GALNT13: variants seen among roughly 807,000 people sequenced by gnomAD.
GALNT13 encodes polypeptide N-acetylgalactosaminyltransferase 13.
GALNT13 carries 28 observed loss-of-function variants against 64.2 expected under a neutral mutation model. The ratio of observed to expected loss-of-function variants is 0.44; its 90% CI spans 0.32 to 0.60. The LOEUF (loss-of-function observed/expected upper bound fraction) is 0.60. Ranked by LOEUF, GALNT13 falls within the 20% of genes least tolerant of loss-of-function variation. GALNT13 has a pLI of 0.05. For missense variants in GALNT13, 577 were observed against 669.8 expected, an observed-to-expected ratio of 0.86 and a Z score of 1.53; for synonymous variants, 214 against 224.6, an observed-to-expected ratio of 0.95 and a Z score of 0.42.
intron 3 of GALNT13, among the ~76,000 whole-genome samples, chr2:154,020,415 C>T (rs1697364752): frequency 6.6e-6 from 1 of 152,126 alleles, no homozygotes; most frequent in South Asian, 2.1e-4. Context: ...GATGGTATCT[C>T]ATTGTGGTTT....
chr2:154,107,899 G>A (rs1558961487), intron 3 of GALNT13, among the ~76,000 whole-genome samples: 2 of 151,910 alleles, frequency 1.3e-5, no homozygotes, highest in African/African-American at 4.8e-5. Flanking sequence ...TTAGCATAAT[G>A]TTCTCCAATT....
chr2:154,041,302 A>G lies in GALNT13; in HGVS notation c.142+96663A>G, dbSNP rs755152524. ...CTATATTATTTTGCTTGTATTCCAC[A>G]ATAACTGTGTTATTACTTCCAATCT... On this transcript the variant is annotated intron_variant, in intron 3 of 12. Coordinates refer to ENST00000392825, the MANE Select transcript of GALNT13 (RefSeq NM_052917.4). 2.1e-4 allele frequency among the ~76,000 whole-genome samples: 29 copies of G among 140,812 alleles called. 6 individuals are homozygous for G. The highest frequency in any genetic ancestry group is 1.5e-4 in the Non-Finnish European group (9 of 61,310). The allele number at this position is 140,812 out of a possible 152,430, so 92.4% of individuals were successfully genotyped here. A position where few individuals can be genotyped will look rare whatever the true frequency, so the allele number is the denominator to read the frequency against.
the GALNT13 span, among the ~76,000 whole-genome samples, chr2:153,614,717 T>G: frequency 2.6e-5 from 4 of 152,208 alleles, no homozygotes; most frequent in Admixed American, 2.0e-4. Flanking sequence ...ACACACTGAT[T>G]TTGGTTTTAT....
the GALNT13 span, among the ~76,000 whole-genome samples, chr2:153,616,635 A>T: frequency 1.3e-5 from 2 of 151,458 alleles, no homozygotes; most frequent in African/African-American, 4.8e-5. Context: ...TATTGTAGAG[A>T]TCTTTTTCTT....
chr2:154,308,100 T>C (rs935235242), intron 9 of GALNT13, among the ~76,000 whole-genome samples: 1 of 152,116 alleles, frequency 6.6e-6, no homozygotes, highest in Non-Finnish European at 1.5e-5. Context: ...AGAAACATAT[T>C]AAAATTAAAT....
intron 2 of GALNT13, among the ~76,000 whole-genome samples, chr2:153,944,156 T>A (rs913608562): frequency 6.6e-6 from 1 of 152,090 alleles, no homozygotes; most frequent in Admixed American, 6.6e-5. Flanking sequence ...CTTAAAGGAA[T>A]CAAGTAGTTT....
the GALNT13 span, among the ~76,000 whole-genome samples, chr2:153,119,019 A>T: frequency 1.3e-5 from 2 of 151,886 alleles, no homozygotes; most frequent in African/African-American, 4.8e-5. Context: ...GAAGTCTTAT[A>T]GTTTTATAAG....
rs574116780 is a variant in GALNT13, at chr2:154,391,978, G to T, written c.1157-4013G>T. On this transcript the variant is annotated intron_variant, in intron 9 of 12. Transcript: ENST00000392825. ...GAAGTAAATTTTCAGCAAAGACTTG[G>T]ACCAAGTAAAGAACAACTCATGAAA... Among the ~76,000 whole-genome samples the T allele has an allele frequency of 3.3e-5, 5 of 152,228 alleles. No homozygotes were observed. In the South Asian group the frequency reaches 1.0e-3, roughly 32 times the overall value.
chr2:154,027,629 A>T (rs1472232819), intron 3 of GALNT13, among the ~76,000 whole-genome samples: 1 of 152,198 alleles, frequency 6.6e-6, no homozygotes, highest in Non-Finnish European at 1.5e-5. Context: ...GGAGAAATAA[A>T]AAATAAGTTA....
intron 3 of GALNT13, among the ~76,000 whole-genome samples, chr2:154,089,376 C>G (rs571976801): frequency 2.4e-4 from 37 of 152,136 alleles, no homozygotes; most frequent in Non-Finnish European, 4.4e-4. Flanking sequence ...AAACTTTTGC[C>G]CTTTGAGTGA....
chr2:153,712,595 T>C, the GALNT13 span, among the ~76,000 whole-genome samples: 1 of 152,158 alleles, frequency 6.6e-6, no homozygotes, highest in African/African-American at 2.4e-5. Context: ...TGCCTGGTGA[T>C]CTGTGTTAAA....
chr2:153,967,013 GA>G (rs1693416246), intron 3 of GALNT13, among the ~76,000 whole-genome samples: 1 of 151,920 alleles, frequency 6.6e-6, no homozygotes, highest in African/African-American at 2.4e-5. Flanking sequence ...GCTTTTGAGA[GA>G]CTGCGGCATT....
At position 154,396,116 on chromosome 2, in the gene GALNT13, T is replaced by C. The variant is rs1452597025; in HGVS notation, c.1282T>C (p.Tyr428His). 2 of 1,603,852 alleles carry C rather than the reference T, an allele frequency of 1.2e-6. No individual in the cohort carries two copies. The highest frequency in any genetic ancestry group is 4.5e-5 in the East Asian group (2 of 44,308). ...GGACTCCCAGATCCCAAGACGTTAT[T>C]ACTCACTTGGTGAGGTATGAATTAT... ...YPDSQIPRRY[Y>H]SLGEIRNVET... Residue 428 changes from tyrosine to histidine, a missense_variant, in exon 10 of 13, where the codon TAC (tyrosine) becomes CAC (histidine). By Grantham distance (83) the Tyr-to-His change is moderately conservative. This residue lies in a region of GALNT13 where 232 missense variants were observed against 270.6 expected (regional missense o/e 0.86). Transcript: ENST00000392825.
the GALNT13 span, among the ~76,000 whole-genome samples, chr2:153,393,901 G>A: frequency 6.6e-6 from 1 of 151,492 alleles, no homozygotes; most frequent in Non-Finnish European, 1.5e-5. Context: ...CTATAATCAT[G>A]AGCCAATTCC....
chr2:153,551,888 C>A, the GALNT13 span, among the ~76,000 whole-genome samples: 743 of 152,228 alleles, frequency 4.9e-3, 3 homozygotes, highest in Non-Finnish European at 6.5e-3. Flanking sequence ...TTGACTGAAT[C>A]ATTCAGTTAG....
the GALNT13 span, among the ~76,000 whole-genome samples, chr2:153,603,579 T>C: frequency 6.6e-6 from 1 of 151,978 alleles, no homozygotes; most frequent in Non-Finnish European, 1.5e-5. Flanking sequence ...CAAAGTTTCA[T>C]TCATTTTCAG....
At chr2:153,376,873 C>T in the GALNT13 span, among the ~76,000 whole-genome samples, 5 of 152,126 alleles carry the variant, frequency 3.3e-5, no homozygotes, top group Non-Finnish European at 7.4e-5. Context: ...CTGCTTCCTG[C>T]CCTGCTGTAG....
At chr2:154,335,115 C>A (rs536302564) in intron 9 of GALNT13, among the ~76,000 whole-genome samples, 1 of 152,038 alleles carries the variant, frequency 6.6e-6, no homozygotes, top group African/African-American at 2.4e-5. Flanking sequence ...TGTACATTTT[C>A]ATTCTACACC....
rs569221744 is a variant in GALNT13, at chr2:154,065,618, C to T, written c.143-74719C>T. On this transcript the variant is annotated intron_variant, in intron 3 of 12. Coordinates refer to ENST00000392825, the MANE Select transcript of GALNT13 (RefSeq NM_052917.4). The stretch of plus-strand genomic sequence containing the variant: ...TGGATCTTATGCAGTATCACCAACG[C>T]GGTACCTCTGTGAGTCCACAAGAGC... Among the ~76,000 whole-genome samples the T allele has an allele frequency of 3.2e-4, 48 of 152,286 alleles. No individual in the cohort carries two copies. In the South Asian group the frequency reaches 5.4e-3, roughly 17 times the overall value.
Sources: allele counts gnomAD v4.1 joint callset (sites outside exome capture counted in the v4.1 genomes callset), GRCh38; gene constraint gnomAD v4.1.1; regional missense constraint gnomAD v4.1.1; transcripts MANE v1.5; gene names NCBI Gene and HGNC (gene_info 2026-07-23, HGNC 2026-07-21).